Variants in KDM2B observed in about 807,000 individuals in gnomAD.
KDM2B encodes lysine demethylase 2B, also known as lysine-specific demethylase 2B.
In KDM2B, 26 loss-of-function variants were observed where a neutral mutation model predicts 150.0. The ratio of observed to expected loss-of-function variants is 0.17; its 90% CI spans 0.13 to 0.24. The LOEUF is 0.24. KDM2B is among the 10% of genes least tolerant of loss of function. The pLI is 1.00. For synonymous variants in KDM2B, 734 were observed against 729.5 expected, an observed-to-expected ratio of 1.01 and a Z score of -0.10; for missense variants, 1,265 against 1,816.9, an observed-to-expected ratio of 0.70 and a Z score of 5.52.
intron 6 of KDM2B, among the ~76,000 whole-genome samples, chr12:121,544,873 A>G (rs909068130): frequency 6.6e-6 from 1 of 152,206 alleles, no homozygotes; most frequent in Non-Finnish European, 1.5e-5. Flanking sequence ...AGATCGTGCC[A>G]TTGCACTCCA....
rs575800257 is a variant in KDM2B at position 121,573,463 on chromosome 12, G to A, written c.397+1084C>T. 3.3e-5 allele frequency among the ~76,000 whole-genome samples: 5 copies of A among 150,350 alleles called. No individual in the cohort carries two copies. The South Asian group carries it at 6.3e-4, about 19-fold the overall frequency. Reference sequence around the variant, plus strand: ...ACGCCCAGCTAATTTTTTGTAGAGAGAGGGTTTCACCATGTTGCCCAGTCT... The same window carrying A: ...ACGCCCAGCTAATTTTTTGTAGAGAAAGGGTTTCACCATGTTGCCCAGTCT... On this transcript the variant is annotated intron_variant, in intron 4 of 22. Transcript: ENST00000377071.
intron 11 of KDM2B, among the ~76,000 whole-genome samples, chr12:121,498,736 G>A (rs553029022): frequency 6.6e-6 from 1 of 152,260 alleles, no homozygotes; most frequent in African/African-American, 2.4e-5. Context: ...GGCCTCTTTA[G>A]AGGGATATTT....
At chr12:121,496,705 T>C (rs994292814) in intron 11 of KDM2B, among the ~76,000 whole-genome samples, 1 of 152,160 alleles carries the variant, frequency 6.6e-6, no homozygotes, top group Non-Finnish European at 1.5e-5. Flanking sequence ...TTGCACAGGC[T>C]GGTCTTGAAT....
At chr12:121,479,612 C>A (rs1286948438) in intron 12 of KDM2B, among the ~76,000 whole-genome samples, 1 of 152,006 alleles carries the variant, frequency 6.6e-6, no homozygotes, top group African/African-American at 2.4e-5. Flanking sequence ...AACTGTGACT[C>A]CATTTTTCTC....
At position 121,533,962 on chromosome 12, in the gene KDM2B, C is replaced by A. The variant is rs1887869822; in HGVS notation, c.777+535G>T. ...AGCTGAGGTGGGAAGATCGCTTGAG[C>A]CCAGGAGGTGGAGGCTACAGCGAGC... is the stretch of plus-strand genomic sequence containing the variant. On this transcript the variant is annotated intron_variant, in intron 7 of 22. Coordinates refer to ENST00000377071, the MANE Select transcript of KDM2B (RefSeq NM_032590.5). This position sits in a 1 kb window ranked among gnomAD's most constrained non-coding sequence, Gnocchi z 4.1. Among the ~76,000 whole-genome samples, 1 of 152,126 alleles carries A rather than the reference C, an allele frequency of 6.6e-6. No individual in the cohort carries two copies. Among genetic ancestry groups the A allele is most frequent in the Non-Finnish European group, 1.5e-5 (1 of 68,028 alleles).
intron 2 of KDM2B, 92 bp downstream of exon 2, chr12:121,578,710 G>A (rs1891707286): frequency 4.5e-6 from 5 of 1,112,126 alleles, no homozygotes; most frequent in Non-Finnish European, 5.8e-6. Flanking sequence ...GGGGGACGCG[G>A]GCGCGAAATA....
chr12:121,460,876 C>G (rs913904912), intron 12 of KDM2B, among the ~76,000 whole-genome samples: 4 of 152,066 alleles, frequency 2.6e-5, no homozygotes, highest in Non-Finnish European at 5.9e-5. Flanking sequence ...GGATTACCGG[C>G]GTGAACCACC....
rs1157880956 is a variant in KDM2B at position 121,467,257 on chromosome 12, G to A, written c.1735-13913C>T. 58 of 990,840 alleles carry A rather than the reference G, an allele frequency of 5.9e-5. No individual in the cohort carries two copies. Among genetic ancestry groups the A allele is most frequent in the Admixed American group, 2.5e-4 (4 of 16,102 alleles). The allele number at this position is 990,840 out of a possible 1,614,324, so 61.4% of individuals were successfully genotyped here. A position where few individuals can be genotyped will look rare whatever the true frequency, so the allele number is the denominator to read the frequency against. ...TCGCGCGCGCTGACATGGCTGGAGC[G>A]GCGCCGCCGCCGCCGCCCGCCCGGA... On this transcript the variant is annotated intron_variant, in intron 12 of 22. Coordinates refer to ENST00000377071, the MANE Select transcript of KDM2B (RefSeq NM_032590.5). This position sits in a 1 kb window ranked among gnomAD's most constrained non-coding sequence, Gnocchi z 5.1.
At chr12:121,509,538 GCC>G in intron 11 of KDM2B, 27 bp downstream of exon 11, 1 of 1,600,162 alleles carries the variant, frequency 6.2e-7, no homozygotes. Flanking sequence ...CTCCTCGGCC[GCC>G]CAGCCCCAGA....
intron 14 of KDM2B, 70 bp downstream of exon 14, chr12:121,445,204 CT>C: frequency 1.9e-6 from 3 of 1,550,266 alleles, no homozygotes; most frequent in Non-Finnish European, 2.6e-6. Flanking sequence ...ATCCCACCAT[CT>C]CACCAGCATC....
chr12:121,484,687 G>A (rs1456585727), intron 12 of KDM2B, among the ~76,000 whole-genome samples: 1 of 151,978 alleles, frequency 6.6e-6, no homozygotes, highest in East Asian at 1.9e-4. Context: ...GCATGATGGT[G>A]CACACCTGTG....
the KDM2B span, chr12:121,418,113 C>T: frequency 1.7e-6 from 1 of 598,028 alleles, no homozygotes. Flanking sequence ...CCAAAGTCTG[C>T]TGTCTGAAGG....
At chr12:121,432,528 G>C (rs561945600) in intron 22 of KDM2B, among the ~76,000 whole-genome samples, 1 of 152,322 alleles carries the variant, frequency 6.6e-6, no homozygotes, top group South Asian at 2.1e-4. Flanking sequence ...TGTTGAGCCT[G>C]TCTGACCAGG....
chr12:121,570,176 A>G (rs537979220), intron 4 of KDM2B, among the ~76,000 whole-genome samples: 2 of 152,048 alleles, frequency 1.3e-5, no homozygotes, highest in East Asian at 3.9e-4. Context: ...CAGCCCCCCA[A>G]GTAGCTGGGA....
At chr12:121,416,415 G>A in the KDM2B span, 1 of 1,321,276 alleles carries the variant, frequency 7.6e-7, no homozygotes, top group Non-Finnish European at 1.1e-6. Context: ...ACACACATGG[G>A]TCAGCATTCT....
At chr12:121,462,315 G>C (rs1315432027) in intron 12 of KDM2B, among the ~76,000 whole-genome samples, 2 of 152,168 alleles carry the variant, frequency 1.3e-5, no homozygotes, top group Non-Finnish European at 2.9e-5. Context: ...AATATAGAGA[G>C]AGTAAGGAGC....
chr12:121,443,395 G>T, intron 17 of KDM2B: 1 of 578,984 alleles, frequency 1.7e-6, no homozygotes, highest in South Asian at 2.1e-5. Flanking sequence ...GAGACTCCTG[G>T]CGCCACCTTG....
chr12:121,541,566 T>C (rs1888620132), intron 6 of KDM2B, among the ~76,000 whole-genome samples: 1 of 151,714 alleles, frequency 6.6e-6, no homozygotes, highest in Non-Finnish European at 1.5e-5. Context: ...ACACAAAATG[T>C]GCCCCAAAAT....
chr12:121,579,553 G>A, intron 1 of KDM2B: 4 of 1,272,036 alleles, frequency 3.1e-6, no homozygotes, highest in South Asian at 1.2e-5. Context: ...ATCGGGGCTT[G>A]GAAGGGGGAG....
Sources: allele counts gnomAD v4.1 joint callset (sites outside exome capture counted in the v4.1 genomes callset), GRCh38; gene constraint gnomAD v4.1.1; non-coding constraint Gnocchi (gnomAD v3.1); transcripts MANE v1.5; gene names NCBI Gene and HGNC (gene_info 2026-07-23, HGNC 2026-07-21).